DNAH17: variants seen among roughly 807,000 people sequenced by gnomAD.
The protein encoded by DNAH17 is dynein axonemal heavy chain 17, also known as axonemal beta dynein heavy chain 17.
DNAH17 carries 376 observed loss-of-function variants against 485.6 expected under a neutral mutation model. That is an observed-to-expected ratio of 0.77 (90% CI 0.71 to 0.84). The LOEUF (loss-of-function observed/expected upper bound fraction) is 0.84, where lower values mean the gene tolerates loss of function less well. DNAH17 is among the 40% of genes least tolerant of loss of function. The pLI is 0.00. For missense variants in DNAH17, 6,370 were observed against 5,839.3 expected (o/e 1.09, Z -2.96); for synonymous variants, 3,031 against 2,405.9 (o/e 1.26, Z -7.60).
chr17:78,502,175 A>C, intron 33 of DNAH17: 1 of 417,740 alleles, frequency 2.4e-6, no homozygotes, highest in Middle Eastern at 3.2e-4. Context: ...ATATTTTTAC[A>C]TATAAATCAA....
Position 78,459,053 on chromosome 17 carries a change from G to C in DNAH17, c.9809C>G (p.Ala3270Gly), listed in dbSNP as rs771933890. ...CTTCTCTTGTGCCTCTGCCAGCTCT[G>C]CATTAGCCTCCTCCAGTGCCTGCCT... ...PKRQALEEAN[A>G]ELAEAQEKLS... Residue 3270 changes from alanine to glycine, a missense_variant, in exon 61 of 81, where the codon GCA becomes GGA. By Grantham distance (60) the Ala-to-Gly change is moderately conservative. Coordinates refer to ENST00000389840, the MANE Select transcript of DNAH17 (RefSeq NM_173628.4). The C allele has an allele frequency of 9.3e-6, 15 of 1,614,040 alleles. No individual in the cohort carries two copies. In the South Asian group the frequency reaches 9.9e-5, roughly 11 times the overall value.
chr17:78,432,052 CGCTGTAGTCCCA>C (rs1038962612), intron 75 of DNAH17, among the ~76,000 whole-genome samples: 1 of 151,752 alleles, frequency 6.6e-6, no homozygotes, highest in African/African-American at 2.4e-5. Context: ...GCATTGTGGC[CGCTGTAGTCCCA>C]GCTACTTGAG....
Position 78,539,779 on chromosome 17 carries a change from A to C in DNAH17, c.2634T>G (p.Ile878Met). Residue 878 changes from isoleucine to methionine, a missense_variant, in exon 18 of 81, where the codon ATT becomes ATG. By Grantham distance (10) the Ile-to-Met change is conservative. Coordinates refer to ENST00000389840, the MANE Select transcript of DNAH17 (RefSeq NM_173628.4). Reference sequence around the variant, plus strand: ...CCATTAGGAAACTCAGAGATTTGCGAATGAACTGGTCAAATTCATCTAAGA... The same window carrying C: ...CCATTAGGAAACTCAGAGATTTGCGCATGAACTGGTCAAATTCATCTAAGA... ...DMVLDEFDQF[I>M]RKSLSFLMDN... is the part of the protein sequence containing the mutation. The C allele has an allele frequency of 6.2e-7, 1 of 1,611,942 alleles. No homozygotes were observed. Among genetic ancestry groups the C allele is most frequent in the Non-Finnish European group, 8.5e-7 (1 of 1,179,552 alleles).
intron 19 of DNAH17, among the ~76,000 whole-genome samples, chr17:78,535,586 G>A (rs546814073): frequency 2.0e-5 from 3 of 152,118 alleles, no homozygotes; most frequent in African/African-American, 7.2e-5. Context: ...AGCTCATCTC[G>A]CTGTAAATAT....
chr17:78,543,630 G>A, intron 17 of DNAH17: 1 of 617,114 alleles, frequency 1.6e-6, no homozygotes, highest in South Asian at 1.8e-5. Flanking sequence ...TCACCACGTT[G>A]GTCAAGCTGG....
At chr17:78,450,612 G>A in intron 67 of DNAH17, 70 bp downstream of exon 67, 4 of 1,539,660 alleles carry the variant, frequency 2.6e-6, no homozygotes, top group Non-Finnish European at 3.5e-6. Context: ...ATGGTAGGGA[G>A]GCGCCGATCG....
chr17:78,494,198 G>A (rs2089977747), intron 40 of DNAH17, 25 bp from the exon 41 acceptor site: 1 of 1,596,656 alleles, frequency 6.3e-7, no homozygotes, highest in Admixed American at 1.7e-5. Flanking sequence ...ATGAGGCTGG[G>A]TGAGGAACTG....
chr17:78,495,978 C>CCAGGAAATTG lies in DNAH17; in HGVS notation c.5790_5799dup (p.Gly1934GlnfsTer31). The CCAGGAAATTG allele has an allele frequency of 2.5e-6, 4 of 1,613,888 alleles. 1 individual carries two copies. Among genetic ancestry groups the CCAGGAAATTG allele is most frequent in the Non-Finnish European group, 3.4e-6 (4 of 1,179,822 alleles). ...GTGGGAATGAGGCCTATGATCTCTCCCAGGAAATTGAATGCTTTTTTCTTG... is the reference window on the plus strand; with the variant it reads ...GTGGGAATGAGGCCTATGATCTCTCCCAGGAAATTGCAGGAAATTGAATGCTTTTTTCTTG... On this transcript the variant is annotated frameshift_variant, in exon 38 of 81. Coordinates refer to ENST00000389840, the MANE Select transcript of DNAH17 (RefSeq NM_173628.4). LOFTEE classifies it high-confidence loss of function.
At chr17:78,518,064 A>G (rs1223794656) in intron 25 of DNAH17, among the ~76,000 whole-genome samples, 2 of 152,220 alleles carry the variant, frequency 1.3e-5, no homozygotes, top group African/African-American at 4.8e-5. Flanking sequence ...TAAAAATGTT[A>G]AAATAAAAGA....
intron 19 of DNAH17, chr17:78,533,132 C>A: frequency 5.1e-6 from 1 of 196,276 alleles, no homozygotes. Flanking sequence ...CCAAGTGTGA[C>A]GTTTGTCTGG....
At chr17:78,508,673 G>T (rs2090553731) in intron 27 of DNAH17, among the ~76,000 whole-genome samples, 1 of 152,178 alleles carries the variant, frequency 6.6e-6, no homozygotes, top group Non-Finnish European at 1.5e-5. Context: ...GTGGATTAGT[G>T]GTTGCCTAGA....
At chr17:78,444,854 C>T in intron 70 of DNAH17, 57 bp from the exon 71 acceptor site, 1 of 1,476,688 alleles carries the variant, frequency 6.8e-7, no homozygotes. Context: ...GTCCCGAGAG[C>T]CTTCCTGTAC....
intron 17 of DNAH17, among the ~76,000 whole-genome samples, chr17:78,541,377 G>GTGGA (rs371016100): frequency 2.4e-4 from 35 of 148,520 alleles, no homozygotes; most frequent in East Asian, 8.1e-4. Context: ...AGATGTGTAA[G>GTGGA]TGGATGGATG....
chr17:78,506,661 C>A (rs2090493617), intron 30 of DNAH17, 59 bp downstream of exon 30: 1 of 1,610,012 alleles, frequency 6.2e-7, no homozygotes. Context: ...GTAGAGGTGC[C>A]CACCTGGGGT....
At chr17:78,468,476 C>T in intron 55 of DNAH17, 141 bp downstream of exon 55, 3 of 1,151,464 alleles carry the variant, frequency 2.6e-6, no homozygotes, top group Non-Finnish European at 3.6e-6. Flanking sequence ...CAGACAGCCC[C>T]ACCCCTCACA....
chr17:78,545,925 T>C (rs2091749498), intron 16 of DNAH17, among the ~76,000 whole-genome samples: 2 of 152,194 alleles, frequency 1.3e-5, no homozygotes, highest in African/African-American at 4.8e-5. Context: ...TATGTGTATG[T>C]ATGTATGCAA....
rs139627131 is a variant in DNAH17 at position 78,505,051 on chromosome 17, C to T, written c.4956+242G>A. ...CTCCCGAACAGGGCTTTTCTCCCGT[C>T]CTTTCCCCTCCCCTTTCTCCCTAAG... On this transcript the variant is annotated intron_variant, in intron 31 of 80. Coordinates refer to ENST00000389840, the MANE Select transcript of DNAH17 (RefSeq NM_173628.4). Among the ~76,000 whole-genome samples the T allele has an allele frequency of 9.3e-3, 1,411 of 152,044 alleles. 13 individuals are homozygous for T. The highest frequency in any genetic ancestry group is 0.016 in the Non-Finnish European group (1,060 of 67,982).
In DNAH17 at chr17:78,458,652, G is replaced by A. The variant is rs773051221; in HGVS notation, c.9890C>T (p.Thr3297Ile). 1.1e-5 allele frequency: 18 copies of A among 1,614,050 alleles called. No individual in the cohort carries two copies. The highest frequency in any genetic ancestry group is 2.2e-5 in the East Asian group (1 of 44,888). ...AGCTGTTGCTTTTTCAAACGCTGAG[G>A]TTAGGTTGCTCAGGTTGGCGTTAAG... is the stretch of plus-strand genomic sequence containing the variant. ...AELNANLSNL[T>I]SAFEKATAEK... Residue 3297 changes from threonine to isoleucine, a missense_variant, in exon 62 of 81, where the codon ACC becomes ATC. Physicochemically the swap from Thr to Ile is moderately conservative, Grantham distance 89. Transcript: ENST00000389840.
At chr17:78,435,570 C>A (rs2086827680) in intron 74 of DNAH17, among the ~76,000 whole-genome samples, 1 of 152,206 alleles carries the variant, frequency 6.6e-6, no homozygotes, top group Admixed American at 6.5e-5. Context: ...CCAGTCCCTG[C>A]CTCAGTGCCC....
Sources: allele counts gnomAD v4.1 joint callset (sites outside exome capture counted in the v4.1 genomes callset), GRCh38; gene constraint gnomAD v4.1.1; transcripts MANE v1.5; gene names NCBI Gene and HGNC (gene_info 2026-07-23, HGNC 2026-07-21).